The following ADA variants were observed in gnomAD, a reference collection of about 807,000 sequenced individuals.
ADA encodes the protein adenosine aminohydrolase.
Under a neutral mutation model 49.0 loss-of-function variants are expected in ADA, and 45 were observed. The observed-to-expected ratio is 0.92, with a 90% CI of 0.72 to 1.18. The LOEUF (loss-of-function observed/expected upper bound fraction) is 1.18, where lower values mean the gene tolerates loss of function less well. Among genes scored for constraint, ADA ranks in the 50% most tolerant of loss-of-function variants. The pLI, the probability that ADA is intolerant of heterozygous loss-of-function variation, is 0.00. For synonymous variants in ADA, 173 were observed against 184.2 expected (o/e 0.94, Z 0.49); for missense variants, 445 against 472.5 (o/e 0.94, Z 0.54).
At chr20:44,648,443 C>G (rs1016184199) in intron 1 of ADA, among the ~76,000 whole-genome samples, 1 of 152,102 alleles carries the variant, frequency 6.6e-6, no homozygotes, top group East Asian at 1.9e-4. Flanking sequence ...CCCATTCCCA[C>G]GGGACACTGA....
chr20:44,643,465 C>G (rs535334950), intron 1 of ADA, among the ~76,000 whole-genome samples: 28 of 152,308 alleles, frequency 1.8e-4, no homozygotes, highest in African/African-American at 6.7e-4. Flanking sequence ...TTTTCAGACC[C>G]TTTATCTCAT....
chr20:44,628,904 GACTC>G (rs935064042), intron 3 of ADA, 139 bp downstream of exon 3: 34 of 1,306,486 alleles, frequency 2.6e-5, no homozygotes, highest in Non-Finnish European at 3.5e-5. Flanking sequence ...GCACTGGAGA[GACTC>G]ACTAAGTGTA....
intron 1 of ADA, 84 bp downstream of exon 1, chr20:44,651,491 G>T: frequency 1.5e-6 from 2 of 1,372,364 alleles, no homozygotes; most frequent in Non-Finnish European, 2.0e-6. Context: ...CCCAGGGTTT[G>T]GACGCCCCGG....
At chr20:44,619,938 ACTC>A in intron 11 of ADA, 91 bp from the exon 12 acceptor site, 3 of 1,525,796 alleles carry the variant, frequency 2.0e-6, no homozygotes, top group Non-Finnish European at 2.7e-6. Context: ...CCAGAAAGGA[ACTC>A]CTTCCTATGA....
chr20:44,626,906 G>A (rs761439889), intron 3 of ADA, among the ~76,000 whole-genome samples: 10 of 152,098 alleles, frequency 6.6e-5, no homozygotes, highest in Non-Finnish European at 1.3e-4. Flanking sequence ...TTTTAAGAAG[G>A]TAAATCAAAG....
At chr20:44,626,187 G>C in intron 4 of ADA, 2 of 559,028 alleles carry the variant, frequency 3.6e-6, no homozygotes, top group Non-Finnish European at 6.4e-6. Flanking sequence ...TGGCTAAGCA[G>C]GTTAACATTC....
intron 6 of ADA, 163 bp downstream of exon 6, chr20:44,624,039 C>G: frequency 9.7e-7 from 1 of 1,029,346 alleles, no homozygotes; most frequent in South Asian, 1.4e-5. Flanking sequence ...AACCACCACG[C>G]CTGGCCCAGG....
intron 3 of ADA, among the ~76,000 whole-genome samples, chr20:44,628,177 G>C (rs565800495): frequency 2.0e-5 from 3 of 152,188 alleles, no homozygotes; most frequent in African/African-American, 7.2e-5. Context: ...CCTGCCCAGG[G>C]GAGATCAGGC....
At chr20:44,649,805 G>A (rs1232427312) in intron 1 of ADA, among the ~76,000 whole-genome samples, 4 of 144,186 alleles carry the variant, frequency 2.8e-5, no homozygotes, top group South Asian at 2.2e-4. Context: ...GCGAGATCTC[G>A]GCTCACTGCA....
intron 2 of ADA, among the ~76,000 whole-genome samples, chr20:44,631,492 T>C (rs1232072805): frequency 6.6e-6 from 1 of 152,118 alleles, no homozygotes; most frequent in African/African-American, 2.4e-5. Context: ...TCAAACACTG[T>C]TGGGGATATC....
In ADA at chr20:44,619,805, C is replaced by T. The variant is rs753427669; in HGVS notation, c.*29G>A. The T allele has an allele frequency of 6.2e-7, 1 of 1,614,174 alleles. No individual in the cohort carries two copies. On this transcript the variant is annotated 3_prime_UTR_variant, in exon 12 of 12. Transcript: ENST00000372874. ...GCCCCACAGAGTTGGGGTGACTCCA[C>T]AGGGTGAAGGCTTGGAGGAGTGGCG...
At chr20:44,632,045 C>T (rs2065438414) in intron 2 of ADA, among the ~76,000 whole-genome samples, 1 of 152,202 alleles carries the variant, frequency 6.6e-6, no homozygotes, top group South Asian at 2.1e-4. Flanking sequence ...CTTTCTATTT[C>T]TCCTCTTCGA....
At chr20:44,630,491 T>C (rs1301309118) in intron 2 of ADA, among the ~76,000 whole-genome samples, 1 of 151,668 alleles carries the variant, frequency 6.6e-6, no homozygotes, top group Non-Finnish European at 1.5e-5. Flanking sequence ...CTCAAAGAGA[T>C]GAGAAGATCC....
chr20:44,651,494 CGCCCCGGGCTGG>C, intron 1 of ADA, 69 bp downstream of exon 1: 1 of 1,390,218 alleles, frequency 7.2e-7, no homozygotes, highest in Non-Finnish European at 9.8e-7. Flanking sequence ...AGGGTTTGGA[CGCCCCGGGCTGG>C]GCCCCGCTAA....
chr20:44,646,407 T>A (rs2065592034), intron 1 of ADA, among the ~76,000 whole-genome samples: 1 of 152,124 alleles, frequency 6.6e-6, no homozygotes, highest in South Asian at 2.1e-4. Context: ...TGAAAGCCAC[T>A]GCAAGCCCAA....
intron 3 of ADA, among the ~76,000 whole-genome samples, 186 bp downstream of exon 3, chr20:44,628,861 C>T (rs566332120): frequency 1.3e-5 from 2 of 152,166 alleles, no homozygotes; most frequent in South Asian, 4.1e-4. Context: ...TCCATCACAC[C>T]CACATCTCAG....
At chr20:44,632,734 C>T (rs1568849364) in intron 2 of ADA, among the ~76,000 whole-genome samples, 1 of 152,164 alleles carries the variant, frequency 6.6e-6, no homozygotes, top group Non-Finnish European at 1.5e-5. Flanking sequence ...CTCTTGTTGC[C>T]CAGGCTGGAG....
At chr20:44,631,520 G>A (rs2065433054) in intron 2 of ADA, among the ~76,000 whole-genome samples, 1 of 152,166 alleles carries the variant, frequency 6.6e-6, no homozygotes, top group South Asian at 2.1e-4. Flanking sequence ...GAACTGCTGG[G>A]TAGAAGGCAG....
At chr20:44,640,140 G>A (rs975802924) in intron 1 of ADA, among the ~76,000 whole-genome samples, 3 of 152,020 alleles carry the variant, frequency 2.0e-5, no homozygotes, top group Admixed American at 6.6e-5. Flanking sequence ...TGGGTCGGGC[G>A]TGGTGGTTCA....
Sources: gnomAD v4.1 joint callset for allele counts (sites outside exome capture counted in the v4.1 genomes callset) on GRCh38, gnomAD v4.1.1 for gene constraint, MANE v1.5 for transcripts, NCBI Gene and HGNC (gene_info 2026-07-23, HGNC 2026-07-21) for gene names.